Variants in PCBP3 observed in about 807,000 individuals in gnomAD.
PCBP3 encodes the protein poly(rC)-binding protein 3.
PCBP3 carries 25 observed loss-of-function variants against 52.7 expected under a neutral mutation model. The observed-to-expected ratio is 0.47, with a 90% confidence interval of 0.35 to 0.66. The LOEUF is 0.66. Among genes scored for constraint, PCBP3 ranks in the 30% least tolerant of loss-of-function variants. PCBP3 has a pLI of 0.01. For missense variants in PCBP3, 391 were observed against 490.3 expected (o/e 0.80, Z 1.91); for synonymous variants, 162 against 183.0 (o/e 0.89, Z 0.93).
chr21:45,753,899 G>T (rs868700156), intron 3 of PCBP3, among the ~76,000 whole-genome samples: 1 of 151,984 alleles, frequency 6.6e-6, no homozygotes, highest in African/African-American at 2.4e-5. Context: ...TTTATACACT[G>T]GTGCCTGTTT....
chr21:45,652,017 G>A (rs1390068228), intron 1 of PCBP3, among the ~76,000 whole-genome samples: 1 of 152,178 alleles, frequency 6.6e-6, no homozygotes, highest in East Asian at 1.9e-4. Flanking sequence ...CTCCTTTAAT[G>A]TTTGGGGAAA....
At chr21:45,685,394 T>C (rs1196079734) in intron 2 of PCBP3, among the ~76,000 whole-genome samples, 2 of 152,122 alleles carry the variant, frequency 1.3e-5, no homozygotes, top group Non-Finnish European at 2.9e-5. Context: ...ATGGTTAAGA[T>C]GGTGAATTTT....
chr21:45,782,264 A>C (rs1399700796), intron 4 of PCBP3, among the ~76,000 whole-genome samples: 1 of 152,250 alleles, frequency 6.6e-6, no homozygotes, highest in Non-Finnish European at 1.5e-5. Context: ...AGAACTTTGA[A>C]ATATCTAAGA....
intron 4 of PCBP3, among the ~76,000 whole-genome samples, chr21:45,797,763 T>TA (rs2092039382): frequency 1.1e-3 from 1 of 930 alleles, no homozygotes; most frequent in Non-Finnish European, 1.8e-3. Flanking sequence ...AGTGAATGGA[T>TA]GTGCATGTGG....
At chr21:45,662,177 G>A (rs1174353785) in intron 1 of PCBP3, among the ~76,000 whole-genome samples, 4 of 150,952 alleles carry the variant, frequency 2.6e-5, no homozygotes, top group South Asian at 2.1e-4. Context: ...TGTTGATCTC[G>A]GTTCACTGCA....
intron 2 of PCBP3, among the ~76,000 whole-genome samples, chr21:45,686,615 G>C (rs1458470724): frequency 6.6e-6 from 1 of 152,180 alleles, no homozygotes; most frequent in Non-Finnish European, 1.5e-5. Flanking sequence ...TAGAGATGAT[G>C]AACTGTCCAA....
chr21:45,767,940 T>C (rs537496978), intron 4 of PCBP3, among the ~76,000 whole-genome samples: 3 of 152,380 alleles, frequency 2.0e-5, no homozygotes, highest in South Asian at 2.1e-4. Context: ...TGCTGTTGTT[T>C]AGTGAACTCT....
chr21:45,891,897 A>T (rs140238555), intron 5 of PCBP3, among the ~76,000 whole-genome samples: 2 of 152,282 alleles, frequency 1.3e-5, no homozygotes, highest in African/African-American at 4.8e-5. Context: ...GGCTGTCTCA[A>T]TTGCCCTGTG....
chr21:45,804,926 A>C (rs2092442067), intron 4 of PCBP3, among the ~76,000 whole-genome samples: 1 of 151,834 alleles, frequency 6.6e-6, no homozygotes, highest in African/African-American at 2.4e-5. Flanking sequence ...GGCATGGTTG[A>C]AATTCTAACC....
intron 4 of PCBP3, among the ~76,000 whole-genome samples, chr21:45,785,395 C>G (rs2091048871): frequency 6.6e-6 from 1 of 150,840 alleles, no homozygotes; most frequent in African/African-American, 2.4e-5. Flanking sequence ...AGGGGCGCCT[C>G]TGCCCGGCCA....
chr21:45,909,111 C>T (rs2096276111), intron 9 of PCBP3, among the ~76,000 whole-genome samples: 2 of 151,988 alleles, frequency 1.3e-5, no homozygotes, highest in African/African-American at 2.4e-5. Context: ...CCAGACCCGC[C>T]CCAACCCCAC....
intron 5 of PCBP3, among the ~76,000 whole-genome samples, chr21:45,866,430 G>A (rs1231546777): frequency 2.0e-5 from 3 of 152,246 alleles, no homozygotes; most frequent in East Asian, 1.9e-4. Context: ...CTCATGGAAC[G>A]TGAGAGGAGA....
intron 4 of PCBP3, among the ~76,000 whole-genome samples, chr21:45,785,516 G>T (rs1201977702): frequency 1.4e-5 from 2 of 147,818 alleles, no homozygotes; most frequent in Non-Finnish European, 3.0e-5. Flanking sequence ...AGGGGGGGGG[G>T]TCAGCCCCCC....
chr21:45,751,512 C>G (rs1412932207), intron 3 of PCBP3: 1 of 152,388 alleles, frequency 6.6e-6, no homozygotes, highest in East Asian at 1.9e-4. Context: ...CGTCCTCATT[C>G]TTCCTTTTGC....
At chr21:45,688,426 T>G (rs1222099468) in intron 2 of PCBP3, among the ~76,000 whole-genome samples, 2 of 152,314 alleles carry the variant, frequency 1.3e-5, no homozygotes, top group East Asian at 3.9e-4. Flanking sequence ...AAGTCTACAA[T>G]TATTTCCAAA....
At chr21:45,697,587 A>G (rs1044313411) in intron 2 of PCBP3, among the ~76,000 whole-genome samples, 1 of 151,940 alleles carries the variant, frequency 6.6e-6, no homozygotes, top group East Asian at 1.9e-4. Context: ...TCTACAAAAA[A>G]TTTAAGAATT....
chr21:45,873,303 C>T (rs570271584), intron 5 of PCBP3: 1 of 152,368 alleles, frequency 6.6e-6, no homozygotes, highest in Admixed American at 6.5e-5. Flanking sequence ...GAAATATTCT[C>T]TGCATAGGAA....
At chr21:45,898,022 GGGA>G (rs2095875804) in intron 6 of PCBP3, among the ~76,000 whole-genome samples, 5 of 152,114 alleles carry the variant, frequency 3.3e-5, no homozygotes, top group Non-Finnish European at 5.9e-5. Flanking sequence ...CTAGATTTCC[GGGA>G]AGACACGGCC....
chr21:45,936,711 C>A (rs189987019), intron 16 of PCBP3, among the ~76,000 whole-genome samples: 25 of 152,348 alleles, frequency 1.6e-4, no homozygotes, highest in Non-Finnish European at 2.9e-4. Flanking sequence ...TCAGTGCTCA[C>A]TAACACCAGG....
Sources: gnomAD v4.1 joint callset for allele counts (sites outside exome capture counted in the v4.1 genomes callset) on GRCh38, gnomAD v4.1.1 for gene constraint, MANE v1.5 for transcripts, NCBI Gene and HGNC (gene_info 2026-07-23, HGNC 2026-07-21) for gene names.